The following ADAD1 variants were observed in gnomAD, a reference collection of about 807,000 sequenced individuals.
ADAD1 encodes adenosine deaminase domain containing 1, also known as adenosine deaminase domain-containing protein 1.
Under a neutral mutation model 66.8 loss-of-function variants are expected in ADAD1, and 46 were observed. That is an observed-to-expected ratio of 0.69 (90% CI 0.54 to 0.88). ADAD1 has a LOEUF of 0.88. Among genes scored for constraint, ADAD1 ranks in the 40% least tolerant of loss-of-function variants. The pLI is 0.00. For synonymous variants in ADAD1, 248 were observed against 229.4 expected (o/e 1.08, Z -0.73); for missense variants, 617 against 681.8 (o/e 0.91, Z 1.06).
intron 10 of ADAD1, among the ~76,000 whole-genome samples, chr4:122,414,274 T>TGGG (rs1338908521): frequency 1.8e-4 from 19 of 106,244 alleles, no homozygotes; most frequent in South Asian, 5.3e-4. Context: ...GTCTTTTTTT[T>TGGG]TGGGGGGGGG....
rs754928657 is a variant in ADAD1, at chr4:122,414,284, G to GC, written c.1250-1095_1250-1094insC. On this transcript the variant is annotated intron_variant, in intron 10 of 12. Transcript: ENST00000296513. The stretch of plus-strand genomic sequence containing the variant: ...CAAATGTCTTTTTTTTTGGGGGGGG[G>GC]GGTACAACTACTGTCATTATTTCAT... 3.1e-3 allele frequency among the ~76,000 whole-genome samples: 361 copies of GC among 115,306 alleles called. 21 individuals carry two copies. The East Asian group carries it at 0.068, about 22-fold the overall frequency. The allele number at this position is 115,306 out of a possible 152,430, so 75.6% of individuals were successfully genotyped here. A position where few individuals can be genotyped will look rare whatever the true frequency, so the allele number is the denominator to read the frequency against.
chr4:122,391,859 G>A (rs1022059152), intron 5 of ADAD1, among the ~76,000 whole-genome samples: 8 of 152,180 alleles, frequency 5.3e-5, no homozygotes, highest in South Asian at 2.1e-4. Flanking sequence ...ACAGGTGCGC[G>A]CCACCATGCC....
chr4:122,389,913 A>G lies in ADAD1; in HGVS notation c.530-3676A>G, dbSNP rs181960886. Reference sequence around the variant, plus strand: ...CCTGTCATCATGATGCTATTTGGTTATTTTGCACACTAGTTGATGCACTAG... The same window carrying G: ...CCTGTCATCATGATGCTATTTGGTTGTTTTGCACACTAGTTGATGCACTAG... On this transcript the variant is annotated intron_variant, in intron 5 of 12. Transcript: ENST00000296513. 8.7e-4 allele frequency among the ~76,000 whole-genome samples: 133 copies of G among 152,066 alleles called. 3 individuals are homozygous for G. The highest frequency in any genetic ancestry group is 4.8e-3 in the Admixed American group (73 of 15,278).
chr4:122,399,740 C>CTT lies in ADAD1; in HGVS notation c.724+3380_724+3381dup, dbSNP rs145100591. ...TTAGGTATATTCCTAATTTTCTTTT[C>CTT]TTTTTTTTTTTTTTTTTTAGCTGTT... On this transcript the variant is annotated intron_variant, in intron 7 of 12. Coordinates refer to ENST00000296513, the MANE Select transcript of ADAD1 (RefSeq NM_139243.4). Among the ~76,000 whole-genome samples, 252 of 110,516 alleles carry CTT rather than the reference C, an allele frequency of 2.3e-3. 2 individuals carry two copies. Among genetic ancestry groups the CTT allele is most frequent in the African/African-American group, 8.4e-3 (243 of 28,918 alleles). The allele number at this position is 110,516 out of a possible 152,430, so 72.5% of individuals were successfully genotyped here. A position where few individuals can be genotyped will look rare whatever the true frequency, so the allele number is the denominator to read the frequency against.
intron 7 of ADAD1, among the ~76,000 whole-genome samples, chr4:122,396,724 A>G (rs777818671): frequency 1.3e-5 from 2 of 152,220 alleles, no homozygotes; most frequent in South Asian, 2.1e-4. Context: ...TTGTGGACAT[A>G]TAATGTGATT....
chr4:122,383,976 C>A lies in ADAD1; in HGVS notation c.529+10C>A. On this transcript the variant is annotated intron_variant, in intron 5 of 12. Transcript: ENST00000296513. ...ATTTTAGAAACATCAGGTAAATACT[C>A]TTGATTATAAAGTATTTATAAGAGG... is the stretch of plus-strand genomic sequence containing the variant. The A allele has an allele frequency of 3.1e-6, 5 of 1,591,616 alleles. No homozygotes were observed. Among genetic ancestry groups the A allele is most frequent in the Non-Finnish European group, 4.3e-6 (5 of 1,168,814 alleles).
At chr4:122,385,398 T>C (rs185972997) in intron 5 of ADAD1, among the ~76,000 whole-genome samples, 575 of 152,028 alleles carry the variant, frequency 3.8e-3, no homozygotes, top group Non-Finnish European at 6.8e-3. Flanking sequence ...TCAGCCTCCC[T>C]AGTAGCTGGG....
Position 122,428,745 on chromosome 4 carries a change from C to T in ADAD1, c.1618-881C>T, listed in dbSNP as rs1480396785. Among the ~76,000 whole-genome samples, 20 of 152,092 alleles carry T rather than the reference C, an allele frequency of 1.3e-4. 1 individual carries two copies. Among genetic ancestry groups the T allele is most frequent in the Admixed American group, 1.3e-3 (20 of 15,258 alleles). ...GATTCATGGTTGTCTGGGTTTAGGGCTGGTACTGGCACCAGGACTGCAGGT... is the reference window on the plus strand; with the variant it reads ...GATTCATGGTTGTCTGGGTTTAGGGTTGGTACTGGCACCAGGACTGCAGGT... On this transcript the variant is annotated intron_variant, in intron 12 of 12. Coordinates refer to ENST00000296513, the MANE Select transcript of ADAD1 (RefSeq NM_139243.4).
At chr4:122,409,957 G>C (rs1244976682) in intron 8 of ADAD1, among the ~76,000 whole-genome samples, 1 of 152,172 alleles carries the variant, frequency 6.6e-6, no homozygotes, top group African/African-American at 2.4e-5. Context: ...TGGGATTACA[G>C]GGGTGAGCCA....
intron 5 of ADAD1, among the ~76,000 whole-genome samples, chr4:122,391,104 A>G (rs1376410330): frequency 6.6e-6 from 1 of 151,906 alleles, no homozygotes. Context: ...TTTTCTTTCA[A>G]TAGTCAGGTC....
chr4:122,415,731 A>C (rs936291621), intron 11 of ADAD1, 115 bp downstream of exon 11: 25 of 932,932 alleles, frequency 2.7e-5, no homozygotes, highest in Non-Finnish European at 4.0e-5. Flanking sequence ...AACAATAATT[A>C]TTATCATTAG....
intron 5 of ADAD1, among the ~76,000 whole-genome samples, chr4:122,386,037 T>C (rs572327997): frequency 2.7e-4 from 41 of 152,360 alleles, no homozygotes; most frequent in Non-Finnish European, 5.4e-4. Flanking sequence ...GAATGATTTA[T>C]ATTCCTTTGG....
chr4:122,416,976 A>T (rs1796766349), intron 11 of ADAD1, among the ~76,000 whole-genome samples: 1 of 152,206 alleles, frequency 6.6e-6, no homozygotes, highest in South Asian at 2.1e-4. Context: ...GCATAACAAG[A>T]TGAAATTAAG....
intron 5 of ADAD1, among the ~76,000 whole-genome samples, chr4:122,389,475 A>G (rs1795334706): frequency 6.6e-6 from 1 of 152,108 alleles, no homozygotes; most frequent in Non-Finnish European, 1.5e-5. Context: ...TCCCACTATT[A>G]TTGTGTGGGA....
intron 8 of ADAD1, among the ~76,000 whole-genome samples, chr4:122,408,827 GAAC>G (rs1796341569): frequency 6.6e-6 from 1 of 151,392 alleles, no homozygotes; most frequent in African/African-American, 2.4e-5. Context: ...AGGTTGCAGT[GAAC>G]CAAGACTGCT....
intron 7 of ADAD1, among the ~76,000 whole-genome samples, chr4:122,401,147 C>T (rs1319793754): frequency 2.6e-5 from 4 of 152,072 alleles, no homozygotes. Flanking sequence ...ATGCTATGAA[C>T]TTCCCGCTTA....
chr4:122,427,291 CAAAAG>C (rs1797285972), intron 12 of ADAD1, among the ~76,000 whole-genome samples: 1 of 151,894 alleles, frequency 6.6e-6, no homozygotes, highest in African/African-American at 2.4e-5. Context: ...ATAAATTTAA[CAAAAG>C]AAATGGAAGA....
chr4:122,426,562 AAAAT>A (rs139967283), intron 12 of ADAD1, among the ~76,000 whole-genome samples: 12,846 of 152,124 alleles, frequency 0.084, 1,832 homozygotes, highest in African/African-American at 0.29. Context: ...CTCTCTCATA[AAAAT>A]AAATGTGAAA....
chr4:122,397,181 G>T (rs191844534), intron 7 of ADAD1, among the ~76,000 whole-genome samples: 1 of 152,136 alleles, frequency 6.6e-6, no homozygotes, highest in Admixed American at 6.6e-5. Context: ...ATTAGTCTGT[G>T]TACAGGAGTA....
Sources: allele counts gnomAD v4.1 joint callset (sites outside exome capture counted in the v4.1 genomes callset), GRCh38; gene constraint gnomAD v4.1.1; transcripts MANE v1.5; gene names NCBI Gene and HGNC (gene_info 2026-07-23, HGNC 2026-07-21).